Variants in LRCH1 observed in about 807,000 individuals in gnomAD.
LRCH1 encodes leucine-rich repeat and calponin homology domain-containing protein 1.
In LRCH1, 23 loss-of-function variants were observed where a neutral mutation model predicts 94.9. The ratio of observed to expected loss-of-function variants is 0.24; its 90% CI spans 0.17 to 0.34. The LOEUF is 0.34. Among genes scored for constraint, LRCH1 ranks in the 10% least tolerant of loss-of-function variants. The pLI is 1.00. For synonymous variants in LRCH1, 364 were observed against 354.9 expected (o/e 1.03, Z -0.29); for missense variants, 790 against 945.9 (o/e 0.84, Z 2.16).
chr13:46,653,867 G>A (rs1786921175), intron 2 of LRCH1, among the ~76,000 whole-genome samples: 1 of 152,006 alleles, frequency 6.6e-6, no homozygotes, highest in Admixed American at 6.6e-5. Flanking sequence ...ATATTAATGA[G>A]AGTAATCTTT....
At chr13:46,726,253 A>C (rs1872809899) in intron 17 of LRCH1, among the ~76,000 whole-genome samples, 1 of 152,166 alleles carries the variant, frequency 6.6e-6, no homozygotes, top group Admixed American at 6.5e-5. Context: ...CATACATAAA[A>C]CAAATGTAAG....
At chr13:46,725,234 C>T (rs1197172134) in intron 17 of LRCH1, among the ~76,000 whole-genome samples, 2 of 152,156 alleles carry the variant, frequency 1.3e-5, no homozygotes, top group Non-Finnish European at 2.9e-5. Flanking sequence ...GGTTGAAAAA[C>T]TACCTATTGG....
chr13:46,602,802 A>G (rs2050642156), intron 1 of LRCH1, among the ~76,000 whole-genome samples: 1 of 152,020 alleles, frequency 6.6e-6, no homozygotes, highest in South Asian at 2.1e-4. Context: ...AAAATACACA[A>G]ATTAGCTGAC....
intron 3 of LRCH1, among the ~76,000 whole-genome samples, chr13:46,674,467 T>C (rs2051644530): frequency 6.6e-6 from 1 of 152,210 alleles, no homozygotes; most frequent in Middle Eastern, 3.2e-3. Context: ...GGAAAACTTA[T>C]GGAATCTTAG....
chr13:46,626,329 G>A (rs28712754), intron 1 of LRCH1, among the ~76,000 whole-genome samples: 132 of 152,236 alleles, frequency 8.7e-4, no homozygotes, highest in African/African-American at 3.1e-3. Flanking sequence ...TGACTTAAAC[G>A]TATACATCCA....
intron 1 of LRCH1, among the ~76,000 whole-genome samples, chr13:46,589,687 G>A (rs897436349): frequency 1.3e-4 from 18 of 136,016 alleles, no homozygotes; most frequent in African/African-American, 4.7e-4. Context: ...TGTAACCTCC[G>A]CCTCCTGGGT....
intron 17 of LRCH1, among the ~76,000 whole-genome samples, 154 bp downstream of exon 17, chr13:46,723,484 T>C (rs1302042222): frequency 6.6e-6 from 1 of 152,264 alleles, no homozygotes; most frequent in Non-Finnish European, 1.5e-5. Context: ...TTAACAACCC[T>C]GAGTCTGTTT....
chr13:46,716,192 G>A (rs1367959848), intron 16 of LRCH1, among the ~76,000 whole-genome samples: 1 of 151,942 alleles, frequency 6.6e-6, no homozygotes. Context: ...GGCATATTTT[G>A]ACTTTTGATG....
intron 1 of LRCH1, among the ~76,000 whole-genome samples, chr13:46,631,655 G>A (rs866442574): frequency 3.3e-5 from 5 of 151,946 alleles, no homozygotes; most frequent in Middle Eastern, 6.8e-3. Flanking sequence ...TTTGGTATAG[G>A]GAGTCATGTT....
At chr13:46,639,915 C>T (rs2051138326) in intron 1 of LRCH1, among the ~76,000 whole-genome samples, 1 of 152,196 alleles carries the variant, frequency 6.6e-6, no homozygotes, top group African/African-American at 2.4e-5. Context: ...TCAGAGGAGG[C>T]CTGGTGTCCT....
chr13:46,683,829 C>T (rs564480454), intron 4 of LRCH1, among the ~76,000 whole-genome samples: 1 of 152,128 alleles, frequency 6.6e-6, no homozygotes, highest in Non-Finnish European at 1.5e-5. Context: ...ATACTCAAAG[C>T]TAAAACTTCA....
At position 46,669,091 on chromosome 13, in the gene LRCH1, G is replaced by T; in HGVS notation, c.514G>T (p.Ala172Ser). The T allele has an allele frequency of 6.2e-7, 1 of 1,614,056 alleles. No individual in the cohort carries two copies. The highest frequency in any genetic ancestry group is 8.5e-7 in the Non-Finnish European group (1 of 1,179,992). ...LCGLPLKVLI[A>S]SNNKLGSLPE... ...TGGTCTGCCTCTCAAAGTCTTAATC[G>T]CAAGTAACAACAAACTTGGATCATT... is the stretch of plus-strand genomic sequence containing the variant. The change falls in exon 3 of 20, where the codon GCA becomes TCA. Residue 172 changes from alanine (A) to serine (S), a missense_variant. Ala to Ser is a moderately conservative substitution (Grantham distance 99). Transcript: ENST00000389797.
Position 46,740,912 on chromosome 13 carries a change from C to G in LRCH1, c.2086-730C>G, listed in dbSNP as rs536234846. 5.3e-5 allele frequency among the ~76,000 whole-genome samples: 8 copies of G among 152,208 alleles called. No individual in the cohort carries two copies. The East Asian group carries it at 1.5e-3, about 29-fold the overall frequency. Reference sequence around the variant, plus strand: ...TAGATAAAACACAGAGGTCTACCCCCCCTGCCCCAATATACCTGTTTAGTA... The same window carrying G: ...TAGATAAAACACAGAGGTCTACCCCGCCTGCCCCAATATACCTGTTTAGTA... On this transcript the variant is annotated intron_variant, in intron 19 of 19. Coordinates refer to ENST00000389797, the MANE Select transcript of LRCH1 (RefSeq NM_001164211.2).
rs1192904565 is a variant in LRCH1, at chr13:46,715,626, C to G, written c.1721C>G (p.Ser574Cys). ...TLTQAQTWDS[S>C]SYSVPSEGDS... ...ACACAGGCACAGACATGGGACAGCTCTAGCTACAGTGTTCCATCTGAAGGA... is the reference window on the plus strand; with the variant it reads ...ACACAGGCACAGACATGGGACAGCTGTAGCTACAGTGTTCCATCTGAAGGA... Residue 574 changes from serine (S) to cysteine (C), a missense_variant, in exon 16 of 20, where the codon TCT becomes TGT. Transcript: ENST00000389797. The G allele has an allele frequency of 6.5e-7, 1 of 1,536,972 alleles. No individual in the cohort carries two copies. The highest frequency in any genetic ancestry group is 1.4e-5 in the African/African-American group (1 of 73,008).
chr13:46,732,026 T>A (rs1873135190), intron 18 of LRCH1, among the ~76,000 whole-genome samples: 1 of 152,238 alleles, frequency 6.6e-6, no homozygotes. Context: ...TAGAGGTAAG[T>A]GAGCCTGGGG....
At chr13:46,566,616 C>T (rs370489646) in intron 1 of LRCH1, among the ~76,000 whole-genome samples, 18 of 152,190 alleles carry the variant, frequency 1.2e-4, no homozygotes, top group African/African-American at 3.4e-4. Flanking sequence ...AAGACAGAGC[C>T]GAAATTGGAG....
chr13:46,609,886 C>T (rs752423155), intron 1 of LRCH1, among the ~76,000 whole-genome samples: 9 of 152,118 alleles, frequency 5.9e-5, no homozygotes, highest in Non-Finnish European at 1.3e-4. Context: ...CAGCTGCCTA[C>T]GGGCAGGAAG....
intron 1 of LRCH1, among the ~76,000 whole-genome samples, chr13:46,642,917 A>G (rs1189127894): frequency 6.6e-6 from 1 of 152,086 alleles, no homozygotes; most frequent in Non-Finnish European, 1.5e-5. Flanking sequence ...TAGGATGTTA[A>G]AAAAAACTCT....
At chr13:46,627,707 G>C (rs1369445690) in intron 1 of LRCH1, among the ~76,000 whole-genome samples, 1 of 152,166 alleles carries the variant, frequency 6.6e-6, no homozygotes, top group African/African-American at 2.4e-5. Flanking sequence ...TGGCAACACT[G>C]TTCCTGCCTT....
Sources: allele counts gnomAD v4.1 joint callset (sites outside exome capture counted in the v4.1 genomes callset), GRCh38; gene constraint gnomAD v4.1.1; transcripts MANE v1.5; gene names NCBI Gene and HGNC (gene_info 2026-07-23, HGNC 2026-07-21).